FMN1: variants seen among roughly 807,000 people sequenced by gnomAD.
The protein encoded by FMN1 is formin 1.
In FMN1, 110 loss-of-function variants were observed where a neutral mutation model predicts 132.4. The observed-to-expected ratio is 0.83, with a 90% confidence interval of 0.71 to 0.97. The LOEUF is 0.97. Among genes scored for constraint, FMN1 ranks in the 50% least tolerant of loss-of-function variants. FMN1 has a pLI of 0.00. For missense variants in FMN1, 1,792 were observed against 1,705.3 expected, an observed-to-expected ratio of 1.05 and a Z score of -0.90; for synonymous variants, 722 against 651.7, an observed-to-expected ratio of 1.11 and a Z score of -1.64.
chr15:33,054,285 T>C (rs576335256), intron 6 of FMN1, among the ~76,000 whole-genome samples: 2 of 152,312 alleles, frequency 1.3e-5, no homozygotes, highest in South Asian at 2.1e-4. Flanking sequence ...CAACTAAATA[T>C]ACATTTCTGC....
intron 9 of FMN1, among the ~76,000 whole-genome samples, chr15:32,928,303 A>T (rs2061014765): frequency 1.3e-5 from 2 of 151,968 alleles, no homozygotes; most frequent in African/African-American, 4.8e-5. Flanking sequence ...GTACTCAGTA[A>T]TTTTTTATAT....
intron 5 of FMN1, among the ~76,000 whole-genome samples, chr15:33,077,355 AT>A (rs142871556): frequency 0.03 from 2,560 of 86,248 alleles, 74 homozygotes; most frequent in African/African-American, 0.084. Flanking sequence ...TTTTTTTTTA[AT>A]ATATATATAT....
chr15:32,972,707 T>TA (rs1415190069), intron 7 of FMN1, among the ~76,000 whole-genome samples: 1 of 152,212 alleles, frequency 6.6e-6, no homozygotes, highest in Admixed American at 6.5e-5. Flanking sequence ...CTTATCACAC[T>TA]ATACAATCTT....
chr15:32,875,802 T>C (rs1216466174), intron 16 of FMN1, among the ~76,000 whole-genome samples: 1 of 152,230 alleles, frequency 6.6e-6, no homozygotes, highest in Admixed American at 6.5e-5. Flanking sequence ...TATTTTGATA[T>C]TCACAAAACT....
At chr15:32,964,884 T>C (rs764805132) in intron 8 of FMN1, among the ~76,000 whole-genome samples, 9 of 152,048 alleles carry the variant, frequency 5.9e-5, no homozygotes, top group Non-Finnish European at 1.2e-4. Flanking sequence ...CCTCCTCCAT[T>C]GCACCTCATG....
intron 16 of FMN1, among the ~76,000 whole-genome samples, chr15:32,870,788 C>G (rs532369316): frequency 6.6e-6 from 1 of 152,270 alleles, no homozygotes; most frequent in African/African-American, 2.4e-5. Context: ...AACATTTATT[C>G]AAAAACATCC....
At chr15:32,869,853 T>C (rs1181490602) in intron 16 of FMN1, among the ~76,000 whole-genome samples, 1 of 152,220 alleles carries the variant, frequency 6.6e-6, no homozygotes, top group Non-Finnish European at 1.5e-5. Context: ...ACACTGATTC[T>C]AGTGACACAG....
At chr15:33,017,158 C>T (rs1265259633) in intron 6 of FMN1, among the ~76,000 whole-genome samples, 1 of 151,138 alleles carries the variant, frequency 6.6e-6, no homozygotes, top group Admixed American at 6.6e-5. Context: ...AAAGTGGTTG[C>T]CAAGGCCTTG....
At chr15:32,792,425 A>G (rs12050756) in intron 19 of FMN1, among the ~76,000 whole-genome samples, 9,408 of 151,754 alleles carry the variant, frequency 0.062, 715 homozygotes, top group East Asian at 0.38. Flanking sequence ...AGCCTGGGCG[A>G]CAGAGCAAGA....
intron 7 of FMN1, among the ~76,000 whole-genome samples, chr15:32,990,805 G>A (rs1020989170): frequency 6.6e-6 from 1 of 152,102 alleles, no homozygotes; most frequent in Non-Finnish European, 1.5e-5. Context: ...TCTTCACATG[G>A]TGGCAGGAAG....
chr15:33,145,117 A>G (rs1964165057), intron 4 of FMN1, among the ~76,000 whole-genome samples: 1 of 152,018 alleles, frequency 6.6e-6, no homozygotes, highest in Non-Finnish European at 1.5e-5. Context: ...CATTCTAGAA[A>G]TCATGTGTGC....
chr15:32,879,961 T>C (rs2059726332), intron 16 of FMN1, among the ~76,000 whole-genome samples: 1 of 152,144 alleles, frequency 6.6e-6, no homozygotes, highest in South Asian at 2.1e-4. Flanking sequence ...CCCCACCATT[T>C]CCTCAATTCT....
intron 9 of FMN1, among the ~76,000 whole-genome samples, chr15:32,926,742 C>A (rs2060971472): frequency 1.3e-5 from 2 of 152,098 alleles, no homozygotes; most frequent in African/African-American, 4.8e-5. Context: ...AAAGTGATAA[C>A]CTCTATGAAT....
At chr15:32,858,967 G>A (rs913818750) in intron 16 of FMN1, among the ~76,000 whole-genome samples, 7 of 152,142 alleles carry the variant, frequency 4.6e-5, no homozygotes, top group African/African-American at 1.4e-4. Context: ...AGTGTCCAAG[G>A]AGCGAGAGAG....
At chr15:32,811,678 T>C (rs1175084743) in intron 17 of FMN1, among the ~76,000 whole-genome samples, 1 of 151,970 alleles carries the variant, frequency 6.6e-6, no homozygotes, top group East Asian at 1.9e-4. Flanking sequence ...GCTTTTTTTT[T>C]TTTTGAGACG....
intron 17 of FMN1, among the ~76,000 whole-genome samples, chr15:32,814,551 T>G (rs2057991984): frequency 6.6e-6 from 1 of 152,220 alleles, no homozygotes; most frequent in Non-Finnish European, 1.5e-5. Flanking sequence ...AGAAGCTAAA[T>G]TTTTAAAAGA....
intron 6 of FMN1, among the ~76,000 whole-genome samples, chr15:33,033,232 G>A (rs777469993): frequency 6.6e-6 from 1 of 152,010 alleles, no homozygotes; most frequent in African/African-American, 2.4e-5. Context: ...GGGTTTCACC[G>A]TGTTAGCCAG....
chr15:32,916,582 G>A (rs887211198), intron 10 of FMN1, among the ~76,000 whole-genome samples: 4 of 152,106 alleles, frequency 2.6e-5, no homozygotes, highest in African/African-American at 4.8e-5. Context: ...ACCAGGTTTC[G>A]GCTGACGGTG....
chr15:32,958,605 C>A (rs929784574), intron 9 of FMN1, among the ~76,000 whole-genome samples: 3 of 151,800 alleles, frequency 2.0e-5, no homozygotes, highest in Non-Finnish European at 4.4e-5. Context: ...TAAACAAGTG[C>A]CAGTGATATG....
Sources: gnomAD v4.1 joint callset for allele counts (sites outside exome capture counted in the v4.1 genomes callset) on GRCh38, gnomAD v4.1.1 for gene constraint, MANE v1.5 for transcripts, NCBI Gene and HGNC (gene_info 2026-07-23, HGNC 2026-07-21) for gene names.